Variants in ESRRG observed in about 807,000 individuals in gnomAD.
ESRRG encodes the protein estrogen related receptor gamma.
ESRRG carries 13 observed loss-of-function variants against 44.0 expected under a neutral mutation model. The observed-to-expected ratio is 0.30, with a 90% CI of 0.19 to 0.47. The LOEUF (loss-of-function observed/expected upper bound fraction) is 0.47. ESRRG is among the 20% of genes least tolerant of loss of function. ESRRG has a pLI of 1.00. For synonymous variants in ESRRG, 215 were observed against 214.6 expected, an observed-to-expected ratio of 1.00 and a Z score of -0.02; for missense variants, 395 against 580.6, an observed-to-expected ratio of 0.68 and a Z score of 3.29.
chr1:216,976,722 T>G (rs961061188), intron 1 of ESRRG, among the ~76,000 whole-genome samples: 1 of 151,948 alleles, frequency 6.6e-6, no homozygotes, highest in Non-Finnish European at 1.5e-5. Flanking sequence ...TTTATTACCC[T>G]TCAGTGATGT....
chr1:216,749,911 C>T (rs7515296), intron 2 of ESRRG, among the ~76,000 whole-genome samples: 8,284 of 152,202 alleles, frequency 0.054, 728 homozygotes, highest in African/African-American at 0.19. Flanking sequence ...CCATCTATCA[C>T]TAAATGTAAA....
At chr1:216,673,545 G>A (rs1431448879) in intron 2 of ESRRG, among the ~76,000 whole-genome samples, 1 of 152,184 alleles carries the variant, frequency 6.6e-6, no homozygotes, top group East Asian at 1.9e-4. Context: ...GTAAAACTGA[G>A]CACATACATC....
chr1:216,576,616 C>T (rs966937593), intron 3 of ESRRG, among the ~76,000 whole-genome samples: 8 of 151,848 alleles, frequency 5.3e-5, no homozygotes, highest in African/African-American at 1.9e-4. Context: ...TATTTTTTTC[C>T]CCTCCACAAT....
intron 2 of ESRRG, among the ~76,000 whole-genome samples, chr1:216,830,126 A>G (rs971009850): frequency 6.6e-6 from 1 of 152,172 alleles, no homozygotes; most frequent in Non-Finnish European, 1.5e-5. Flanking sequence ...GCAAGGTGCC[A>G]TTAGGGCCAG....
intron 1 of ESRRG, among the ~76,000 whole-genome samples, chr1:216,964,539 C>T (rs1203228603): frequency 6.6e-6 from 1 of 152,116 alleles, no homozygotes; most frequent in African/African-American, 2.4e-5. Context: ...ATGGAATATG[C>T]ATTTCCTAAA....
intron 2 of ESRRG, among the ~76,000 whole-genome samples, chr1:216,817,516 G>A (rs2095176075): frequency 6.6e-6 from 1 of 152,154 alleles, no homozygotes. Context: ...TATGTGGGCT[G>A]TGTGGACACT....
intron 2 of ESRRG, among the ~76,000 whole-genome samples, chr1:216,811,820 G>A (rs1446570746): frequency 6.6e-6 from 1 of 152,108 alleles, no homozygotes; most frequent in East Asian, 1.9e-4. Flanking sequence ...CTGAAAAAAG[G>A]GTTTCCATTT....
chr1:216,766,779 G>A (rs532790524), intron 2 of ESRRG, among the ~76,000 whole-genome samples: 1 of 152,102 alleles, frequency 6.6e-6, no homozygotes, highest in South Asian at 2.1e-4. Flanking sequence ...TCTTTAGAAG[G>A]CTCTACCTTA....
At chr1:216,849,896 A>G (rs1293127795) in intron 2 of ESRRG, among the ~76,000 whole-genome samples, 1 of 152,090 alleles carries the variant, frequency 6.6e-6, no homozygotes, top group Non-Finnish European at 1.5e-5. Context: ...AACTATTCAC[A>G]TGGAAGGTAT....
At chr1:216,585,156 T>C (rs983468422) in intron 3 of ESRRG, among the ~76,000 whole-genome samples, 1 of 152,146 alleles carries the variant, frequency 6.6e-6, no homozygotes, top group Non-Finnish European at 1.5e-5. Context: ...ACAGAAAATA[T>C]TGCTTGACAT....
intron 5 of ESRRG, among the ~76,000 whole-genome samples, chr1:216,544,464 C>T (rs2053850456): frequency 6.6e-6 from 1 of 151,954 alleles, no homozygotes. Context: ...TCCAAGGTTA[C>T]TGAGGAATAC....
At chr1:217,113,590 G>A (rs1419003043) in intron 1 of ESRRG, among the ~76,000 whole-genome samples, 2 of 152,118 alleles carry the variant, frequency 1.3e-5, no homozygotes, top group African/African-American at 2.4e-5. Flanking sequence ...ACTTTTGGGG[G>A]CTTGGGAGGG....
chr1:216,868,079 CTTTTTTT>C (rs58738849), intron 2 of ESRRG, among the ~76,000 whole-genome samples: 1 of 78,358 alleles, frequency 1.3e-5, no homozygotes, highest in Non-Finnish European at 2.2e-5. Flanking sequence ...TATATTGATC[CTTTTTTT>C]TTTTTTTTTT....
At chr1:216,924,488 T>G (rs1207168277) in intron 2 of ESRRG, among the ~76,000 whole-genome samples, 1 of 152,064 alleles carries the variant, frequency 6.6e-6, no homozygotes, top group Non-Finnish European at 1.5e-5. Flanking sequence ...TGGCTTCTTC[T>G]GGTTCATTCC....
At chr1:216,869,226 G>A (rs1470221476) in intron 2 of ESRRG, among the ~76,000 whole-genome samples, 1 of 152,038 alleles carries the variant, frequency 6.6e-6, no homozygotes, top group Non-Finnish European at 1.5e-5. Flanking sequence ...TCACTTTTAA[G>A]TTTTGAGTTA....
chr1:216,655,525 A>G (rs1050840373), intron 2 of ESRRG, among the ~76,000 whole-genome samples: 2 of 152,174 alleles, frequency 1.3e-5, no homozygotes, highest in African/African-American at 4.8e-5. Context: ...AATACAACAT[A>G]TGTATAAAAA....
At chr1:216,730,735 T>C (rs938043187) in intron 2 of ESRRG, among the ~76,000 whole-genome samples, 2 of 151,966 alleles carry the variant, frequency 1.3e-5, no homozygotes, top group Admixed American at 6.6e-5. Flanking sequence ...TAGAGTAATA[T>C]GGGAAAAATT....
intron 1 of ESRRG, among the ~76,000 whole-genome samples, chr1:217,114,020 T>C (rs1293594148): frequency 6.6e-6 from 1 of 151,348 alleles, no homozygotes; most frequent in Non-Finnish European, 1.5e-5. Flanking sequence ...AAAAAGGAAA[T>C]TGGACTGGGA....
chr1:217,123,319 C>G (rs2092846806), intron 1 of ESRRG, among the ~76,000 whole-genome samples: 1 of 152,192 alleles, frequency 6.6e-6, no homozygotes, highest in Non-Finnish European at 1.5e-5. Context: ...CCTTTACACA[C>G]TTGTATTATG....
Sources: gnomAD v4.1 joint callset for allele counts (sites outside exome capture counted in the v4.1 genomes callset) on GRCh38, gnomAD v4.1.1 for gene constraint, MANE v1.5 for transcripts, NCBI Gene and HGNC (gene_info 2026-07-23, HGNC 2026-07-21) for gene names.